DOCK3: variants seen among roughly 807,000 people sequenced by gnomAD.
The protein encoded by DOCK3 is dedicator of cytokinesis 3.
DOCK3 carries 60 observed loss-of-function variants against 265.6 expected under a neutral mutation model. The ratio of observed to expected loss-of-function variants is 0.23; its 90% CI spans 0.18 to 0.28. DOCK3 has a LOEUF of 0.28. Among genes scored for constraint, DOCK3 ranks in the 10% least tolerant of loss-of-function variants. The pLI, the probability that DOCK3 is intolerant of heterozygous loss-of-function variation, is 1.00. For missense variants in DOCK3, 1,981 were observed against 2,594.3 expected (o/e 0.76, Z 5.14); for synonymous variants, 881 against 938.0 (o/e 0.94, Z 1.11).
chr3:50,901,108 G>T (rs1264853079), intron 4 of DOCK3: 1 of 249,534 alleles, frequency 4.0e-6, no homozygotes, highest in Non-Finnish European at 8.0e-6. Flanking sequence ...CTGTCCCAGG[G>T]AGATGGGAGT....
chr3:51,028,633 GA>G (rs1477748334), intron 5 of DOCK3, among the ~76,000 whole-genome samples: 1 of 151,524 alleles, frequency 6.6e-6, no homozygotes, highest in African/African-American at 2.4e-5. Context: ...TTTTTTCTTT[GA>G]TTTTTGTCTG....
intron 9 of DOCK3, 23 bp downstream of exon 9, chr3:51,090,407 G>A (rs1164566566): frequency 6.3e-7 from 1 of 1,592,474 alleles, no homozygotes; most frequent in Non-Finnish European, 8.6e-7. Context: ...GGAAATTCTG[G>A]TGAGGTTCTA....
At chr3:51,198,124 A>G (rs2088440057) in intron 12 of DOCK3, among the ~76,000 whole-genome samples, 1 of 152,210 alleles carries the variant, frequency 6.6e-6, no homozygotes, top group African/African-American at 2.4e-5. Flanking sequence ...GCAGGACAGC[A>G]AGCAGTCTGC....
chr3:51,123,707 T>C lies in DOCK3; in HGVS notation c.747-22842T>C, dbSNP rs569090573. On this transcript the variant is annotated intron_variant, in intron 9 of 52. Transcript: ENST00000266037. Reference sequence around the variant, plus strand: ...TAGGGACTCAGCACCCAAGGTTTATTGGGGGCTGTCACATGGGCACCCTCT... The same window carrying C: ...TAGGGACTCAGCACCCAAGGTTTATCGGGGGCTGTCACATGGGCACCCTCT... 2.0e-5 allele frequency among the ~76,000 whole-genome samples: 3 copies of C among 152,264 alleles called. No homozygotes were observed. In the South Asian group the frequency reaches 6.2e-4, roughly 32 times the overall value.
At chr3:51,127,665 C>T (rs2084327799) in intron 9 of DOCK3, among the ~76,000 whole-genome samples, 1 of 152,232 alleles carries the variant, frequency 6.6e-6, no homozygotes, top group Non-Finnish European at 1.5e-5. Flanking sequence ...ATGACAATTA[C>T]AGTCCTCGTT....
At chr3:50,743,854 T>G (rs894929704) in intron 1 of DOCK3, among the ~76,000 whole-genome samples, 1 of 152,220 alleles carries the variant, frequency 6.6e-6, no homozygotes, top group Non-Finnish European at 1.5e-5. Flanking sequence ...GCCAAGCTGT[T>G]TATGGAAAAC....
chr3:51,090,232 A>G lies in DOCK3; in HGVS notation c.594A>G (p.Val198=), dbSNP rs982687639. Residue 198 remains valine (V), a splice_region_variant and synonymous_variant, in exon 9 of 53, where the codon GTA becomes GTG. Transcript: ENST00000266037. ...RQSVQQSTSQ[V]DTMRPRHGET... The stretch of plus-strand genomic sequence containing the variant: ...TGGGTTTTTTTCTTCCTCATTAGGT[A>G]GATACAATGCGCCCACGTCATGGGG... The G allele has an allele frequency of 1.3e-6, 2 of 1,580,442 alleles. No homozygotes were observed. Among genetic ancestry groups the G allele is most frequent in the Non-Finnish European group, 1.7e-6 (2 of 1,163,292 alleles).
At position 50,778,694 on chromosome 3, in the gene DOCK3, A is replaced by C; in HGVS notation, c.57A>C (p.Gly19=). 6.3e-7 allele frequency: 1 copy of C among 1,587,806 alleles called. No homozygotes were observed. Among genetic ancestry groups the C allele is most frequent in the Admixed American group, 1.8e-5 (1 of 56,232 alleles). ...KYGVVICSFR[G]SVPQGLVLEI... The stretch of plus-strand genomic sequence containing the variant: ...TTCTAGTGATATGCAGCTTTCGAGG[A>C]TCTGTCCCTCAAGGGTTGGTCTTAG... The change falls in exon 2 of 53, where the codon GGA becomes GGC. Residue 19 remains glycine, a synonymous_variant. Transcript: ENST00000266037.
chr3:51,167,777 T>C (rs1450901850), intron 12 of DOCK3, among the ~76,000 whole-genome samples: 2 of 152,188 alleles, frequency 1.3e-5, no homozygotes, highest in South Asian at 2.1e-4. Context: ...ATATTGCTGA[T>C]TTTTTATGTT....
chr3:51,184,276 A>G (rs576809648), intron 12 of DOCK3, among the ~76,000 whole-genome samples: 5 of 150,366 alleles, frequency 3.3e-5, no homozygotes, highest in Admixed American at 1.3e-4. Context: ...GTGCCATTGC[A>G]CTCCAGCCTG....
intron 12 of DOCK3, among the ~76,000 whole-genome samples, chr3:51,186,522 TGAG>T (rs746994952): frequency 3.3e-5 from 5 of 152,220 alleles, no homozygotes; most frequent in Admixed American, 6.5e-5. Context: ...GCATAAGTAA[TGAG>T]GAGCTGAATG....
chr3:51,298,038 C>A (rs996526941), intron 27 of DOCK3, among the ~76,000 whole-genome samples: 1 of 152,086 alleles, frequency 6.6e-6, no homozygotes, highest in Non-Finnish European at 1.5e-5. Context: ...GGTATTAATT[C>A]TTTAAACATT....
intron 27 of DOCK3, among the ~76,000 whole-genome samples, chr3:51,308,436 C>T (rs897040058): frequency 6.6e-6 from 1 of 151,504 alleles, no homozygotes; most frequent in Non-Finnish European, 1.5e-5. Flanking sequence ...GAGCATGCTG[C>T]CTTCAAGCAT....
intron 3 of DOCK3, among the ~76,000 whole-genome samples, chr3:50,885,556 T>A (rs1033274985): frequency 6.6e-6 from 1 of 152,128 alleles, no homozygotes; most frequent in African/African-American, 2.4e-5. Flanking sequence ...CTCACTAGTA[T>A]GCCATTATTT....
chr3:51,299,087 T>C (rs899760095), intron 27 of DOCK3, among the ~76,000 whole-genome samples: 13 of 152,220 alleles, frequency 8.5e-5, no homozygotes, highest in African/African-American at 3.1e-4. Context: ...ATCTGTTGTT[T>C]CTTGACATTT....
chr3:51,101,788 G>A (rs1305332899), intron 9 of DOCK3, among the ~76,000 whole-genome samples: 1 of 152,088 alleles, frequency 6.6e-6, no homozygotes, highest in Non-Finnish European at 1.5e-5. Flanking sequence ...TCAGATTAAG[G>A]CATTCTAGGC....
At chr3:50,750,978 T>C (rs1435164530) in intron 1 of DOCK3, among the ~76,000 whole-genome samples, 1 of 152,234 alleles carries the variant, frequency 6.6e-6, no homozygotes, top group African/African-American at 2.4e-5. Flanking sequence ...CAATGTAGAA[T>C]TAATTTATTG....
At chr3:50,983,609 C>A (rs1243342529) in intron 5 of DOCK3, among the ~76,000 whole-genome samples, 1 of 152,114 alleles carries the variant, frequency 6.6e-6, no homozygotes, top group Non-Finnish European at 1.5e-5. Flanking sequence ...CATTGGGATA[C>A]CCTTGCTGCA....
intron 3 of DOCK3, among the ~76,000 whole-genome samples, chr3:50,871,739 C>G (rs1279250312): frequency 6.6e-6 from 1 of 152,090 alleles, no homozygotes; most frequent in Non-Finnish European, 1.5e-5. Flanking sequence ...TGTGTATTTT[C>G]AAATAGCCTG....
Sources: allele counts gnomAD v4.1 joint callset (sites outside exome capture counted in the v4.1 genomes callset), GRCh38; gene constraint gnomAD v4.1.1; transcripts MANE v1.5; gene names NCBI Gene and HGNC (gene_info 2026-07-23, HGNC 2026-07-21).